TTC6: variants seen among roughly 807,000 people sequenced by gnomAD.
TTC6 encodes the protein tetratricopeptide repeat domain 6, also known as tetratricopeptide repeat protein 6.
TTC6 carries 172 observed loss-of-function variants against 210.4 expected under a neutral mutation model. The observed-to-expected ratio is 0.82, with a 90% CI of 0.72 to 0.93. The LOEUF (loss-of-function observed/expected upper bound fraction) is 0.93. Ranked by LOEUF, TTC6 falls within the 40% of genes least tolerant of loss-of-function variation. The pLI, the probability that TTC6 is intolerant of heterozygous loss-of-function variation, is 0.00. For synonymous variants in TTC6, 804 were observed against 819.6 expected (o/e 0.98, Z 0.32); for missense variants, 2,414 against 2,318.1 (o/e 1.04, Z -0.85).
chr14:37,725,109 AC>A, intron 7 of TTC6, 107 bp downstream of exon 9: 1 of 564,718 alleles, frequency 1.8e-6, no homozygotes, highest in Non-Finnish European at 2.9e-6. Flanking sequence ...TATGTAAATT[AC>A]CAGTTATTGC....
chr14:37,671,278 C>A (rs1316313508), intron 1 of TTC6, among the ~76,000 whole-genome samples: 2 of 152,110 alleles, frequency 1.3e-5, no homozygotes, highest in Admixed American at 6.6e-5. Flanking sequence ...AATGAGTGAT[C>A]CAGAGAGGGC....
chr14:37,694,452 G>T (rs2095810532), intron 3 of TTC6, among the ~76,000 whole-genome samples: 1 of 152,152 alleles, frequency 6.6e-6, no homozygotes, highest in Non-Finnish European at 1.5e-5. Flanking sequence ...GTGGAGAAAA[G>T]GGAAGCCTCA....
intron 3 of TTC6, among the ~76,000 whole-genome samples, chr14:37,688,892 A>G (rs899962725): frequency 6.6e-6 from 1 of 152,188 alleles, no homozygotes; most frequent in African/African-American, 2.4e-5. Context: ...TTAGCTCTTC[A>G]ATGCCAAGAC....
chr14:37,794,638 CATTT>C (rs1307557993), intron 17 of TTC6, among the ~76,000 whole-genome samples: 1 of 151,356 alleles, frequency 6.6e-6, no homozygotes, highest in Non-Finnish European at 1.5e-5. Flanking sequence ...TTCATTCATT[CATTT>C]ACTTAATTTT....
intron 1 of TTC6, among the ~76,000 whole-genome samples, chr14:37,623,356 A>G (rs2095654986): frequency 6.6e-6 from 1 of 151,740 alleles, no homozygotes; most frequent in Admixed American, 6.6e-5. Context: ...TATGTGAAAA[A>G]CTCTTTTTTC....
chr14:37,781,860 C>T (rs1432858638), intron 14 of TTC6, among the ~76,000 whole-genome samples: 1 of 152,094 alleles, frequency 6.6e-6, no homozygotes, highest in Non-Finnish European at 1.5e-5. Context: ...GCCAGTTTTC[C>T]CAGCACCATT....
At chr14:37,791,841 G>A (rs986821089) in intron 16 of TTC6, among the ~76,000 whole-genome samples, 7 of 152,046 alleles carry the variant, frequency 4.6e-5, no homozygotes, top group Non-Finnish European at 8.8e-5. Flanking sequence ...TAATATGTAC[G>A]TGGAGAGGAT....
At chr14:37,645,954 AC>A (rs2095700835) in intron 1 of TTC6, among the ~76,000 whole-genome samples, 2 of 152,182 alleles carry the variant, frequency 1.3e-5, no homozygotes, top group Admixed American at 1.3e-4. Context: ...TTTGTAACAT[AC>A]AGGAACAATG....
rs1302569561 is a variant in TTC6 at position 37,724,864 on chromosome 14, C to A, written c.1714-34C>A. On this transcript the variant is annotated intron_variant, in intron 6 of 30. Coordinates refer to ENST00000553443, the Ensembl canonical transcript of TTC6. ...TTTTTACTCTCAAGGCCATTTCTTACCATTTCTAATAACCTTTTATGTTAT... is the reference window on the plus strand; with the variant it reads ...TTTTTACTCTCAAGGCCATTTCTTAACATTTCTAATAACCTTTTATGTTAT... The A allele has an allele frequency of 1.2e-5, 15 of 1,296,632 alleles. No homozygotes were observed. In the Middle Eastern group the frequency reaches 9.4e-4, roughly 81 times the overall value. 80.3% of individuals were successfully genotyped at this position (1,296,632 alleles called of 1,614,324 possible).
intron 6 of TTC6, 118 bp from the exon 9 acceptor site, chr14:37,724,780 C>A: frequency 1.9e-6 from 1 of 522,924 alleles, no homozygotes; most frequent in Non-Finnish European, 3.2e-6. Context: ...TCCATATTTT[C>A]AGAAGCTGTG....
chr14:37,696,768 C>A lies in TTC6; in HGVS notation c.1309C>A (p.Arg437=), dbSNP rs1006607060. 8.2e-6 allele frequency: 12 copies of A among 1,460,974 alleles called. No homozygotes were observed. In the African/African-American group the frequency reaches 1.1e-4, roughly 14 times the overall value. 90.5% of individuals were successfully genotyped at this position (1,460,974 alleles called of 1,614,324 possible). The change falls in exon 4 of 31, where the codon CGG becomes AGG. Residue 437 remains arginine (R), a synonymous_variant. Coordinates refer to ENST00000553443, the Ensembl canonical transcript of TTC6. Reference sequence around the variant, plus strand: ...CGAAGGAAAAGAAATTAAGCGAATGCGGAAACGTAAATCACTGAGACCAAG... The same window carrying A: ...CGAAGGAAAAGAAATTAAGCGAATGAGGAAACGTAAATCACTGAGACCAAG...
intron 10 of TTC6, among the ~76,000 whole-genome samples, chr14:37,746,733 G>C (rs1195531838): frequency 6.6e-6 from 1 of 152,124 alleles, no homozygotes; most frequent in South Asian, 2.1e-4. Flanking sequence ...AGTGATTTCA[G>C]GGCATGCTTG....
At chr14:37,643,548 C>T (rs1033616491) in intron 1 of TTC6, among the ~76,000 whole-genome samples, 3 of 152,262 alleles carry the variant, frequency 2.0e-5, no homozygotes, top group Admixed American at 1.3e-4. Flanking sequence ...TCAGCATACT[C>T]ATCATCAGAT....
At chr14:37,783,730 C>A (rs1208764449) in intron 14 of TTC6, among the ~76,000 whole-genome samples, 1 of 151,602 alleles carries the variant, frequency 6.6e-6, no homozygotes, top group East Asian at 2.0e-4. Flanking sequence ...GTTAGGATAT[C>A]CATTTTAGAT....
At chr14:37,640,950 A>C (rs2095690761) in intron 1 of TTC6, among the ~76,000 whole-genome samples, 1 of 152,210 alleles carries the variant, frequency 6.6e-6, no homozygotes, top group Non-Finnish European at 1.5e-5. Context: ...TGCATAGTTA[A>C]AATCCAGCAC....
chr14:37,705,895 G>T (rs1168164148), intron 5 of TTC6, among the ~76,000 whole-genome samples: 4 of 152,064 alleles, frequency 2.6e-5, no homozygotes, highest in African/African-American at 9.7e-5. Context: ...TTAGATCTTT[G>T]GTACTCAAAG....
Position 37,674,897 on chromosome 14 carries a change from A to G in TTC6, c.940-5254A>G, listed in dbSNP as rs147748679. Among the ~76,000 whole-genome samples, 608 of 152,140 alleles carry G rather than the reference A, an allele frequency of 4.0e-3. 4 individuals carry two copies. The highest frequency in any genetic ancestry group is 6.0e-3 in the Non-Finnish European group (408 of 67,972). ...TTTTTTTTATTTCTCTGGCTTTACT[A>G]GACTATAGACAAACAGAAATAAATC... is the stretch of plus-strand genomic sequence containing the variant. On this transcript the variant is annotated intron_variant, in intron 1 of 30. Transcript: ENST00000553443.
upstream of TTC6, among the ~76,000 whole-genome samples, chr14:37,620,280 C>T (rs1029134109): frequency 1.3e-5 from 2 of 152,104 alleles, no homozygotes; most frequent in Admixed American, 1.3e-4. Flanking sequence ...TCTGTGTTTT[C>T]AGTAGATAAT....
intron 14 of TTC6, among the ~76,000 whole-genome samples, chr14:37,782,690 A>T (rs2096058115): frequency 6.6e-6 from 1 of 152,212 alleles, no homozygotes; most frequent in Non-Finnish European, 1.5e-5. Flanking sequence ...GAGAGAGGGC[A>T]TCCCTGTCTT....
Sources: gnomAD v4.1 joint callset for allele counts (sites outside exome capture counted in the v4.1 genomes callset) on GRCh38, gnomAD v4.1.1 for gene constraint, MANE v1.5 for transcripts, NCBI Gene and HGNC (gene_info 2026-07-23, HGNC 2026-07-21) for gene names.